The following SNAP91 variants were observed in gnomAD, a reference collection of about 807,000 sequenced individuals.
SNAP91 encodes the protein synaptosome associated protein 91.
In SNAP91, 27 loss-of-function variants were observed where a neutral mutation model predicts 100.3. That is an observed-to-expected ratio of 0.27 (90% CI 0.20 to 0.37). The LOEUF is 0.37. Ranked by LOEUF, SNAP91 falls within the 10% of genes least tolerant of loss-of-function variation. SNAP91 has a pLI of 1.00. For missense variants in SNAP91, 986 were observed against 1,123.7 expected (o/e 0.88, Z 1.75); for synonymous variants, 404 against 398.6 (o/e 1.01, Z -0.16).
chr6:83,616,406 C>G (rs1450943795), intron 10 of SNAP91, among the ~76,000 whole-genome samples: 1 of 152,026 alleles, frequency 6.6e-6, no homozygotes, highest in Non-Finnish European at 1.5e-5. Flanking sequence ...TATAAGTACT[C>G]AAACACAGAG....
chr6:83,690,337 T>C, intron 2 of SNAP91: 1 of 1,276,564 alleles, frequency 7.8e-7, no homozygotes, highest in Non-Finnish European at 1.0e-6. Flanking sequence ...TTAAAAGACT[T>C]GTGATCTCCT....
chr6:83,660,265 T>C (rs1487541724), intron 5 of SNAP91, among the ~76,000 whole-genome samples: 1 of 152,164 alleles, frequency 6.6e-6, no homozygotes, highest in East Asian at 1.9e-4. Flanking sequence ...GGAAGGCATA[T>C]GAACTAGAAT....
chr6:83,575,968 CAAAT>C, intron 25 of SNAP91, 51 bp downstream of exon 25: 4 of 960,602 alleles, frequency 4.2e-6, no homozygotes, highest in East Asian at 5.7e-5. Context: ...TTGATAGTCT[CAAAT>C]GAATACAAAT....
At chr6:83,565,198 A>G (rs1004690256) in intron 26 of SNAP91, among the ~76,000 whole-genome samples, 7 of 151,954 alleles carry the variant, frequency 4.6e-5, no homozygotes, top group Non-Finnish European at 1.0e-4. Context: ...AGGCTTCAGT[A>G]CATCACTCTC....
Position 83,593,173 on chromosome 6 carries a change from T to G in SNAP91, c.1774+9A>C, listed in dbSNP as rs756813838. ...CTAAAGTGAAAAAAAAGGGTTGCTT[T>G]GGTTTTACCTGTACTAAACAGGTCT... On this transcript the variant is annotated intron_variant, in intron 19 of 29. Transcript: ENST00000369694. 38 of 1,578,474 alleles carry G rather than the reference T, an allele frequency of 2.4e-5. No homozygotes were observed. The highest frequency in any genetic ancestry group is 2.9e-5 in the Non-Finnish European group (34 of 1,161,706).
intron 2 of SNAP91, among the ~76,000 whole-genome samples, chr6:83,668,825 G>A (rs2098733484): frequency 6.6e-6 from 1 of 152,006 alleles, no homozygotes; most frequent in Non-Finnish European, 1.5e-5. Flanking sequence ...CTTGAGACCA[G>A]TTTGAGAGCA....
intron 2 of SNAP91, among the ~76,000 whole-genome samples, chr6:83,703,332 C>T (rs1562751590): frequency 6.6e-6 from 1 of 151,970 alleles, no homozygotes; most frequent in African/African-American, 2.4e-5. Context: ...TTGGATCTTT[C>T]AGCACTTACT....
At chr6:83,589,883 G>C (rs1343050424) in intron 22 of SNAP91, among the ~76,000 whole-genome samples, 1 of 152,174 alleles carries the variant, frequency 6.6e-6, no homozygotes, top group East Asian at 1.9e-4. Flanking sequence ...TCCTCAGCTT[G>C]CTGTACCTGG....
At chr6:83,564,500 C>A (rs751780364) in intron 26 of SNAP91, among the ~76,000 whole-genome samples, 2 of 151,934 alleles carry the variant, frequency 1.3e-5, no homozygotes, top group Non-Finnish European at 2.9e-5. Context: ...GTAGGTGGAA[C>A]CACAGGTGCA....
At chr6:83,569,526 A>C (rs1802812419) in intron 26 of SNAP91, among the ~76,000 whole-genome samples, 1 of 152,146 alleles carries the variant, frequency 6.6e-6, no homozygotes, top group Admixed American at 6.6e-5. Context: ...ATGGCCAAGG[A>C]AGTTCTTCAA....
chr6:83,690,338 G>A (rs1486604299), intron 2 of SNAP91: 2 of 1,276,114 alleles, frequency 1.6e-6, no homozygotes, highest in South Asian at 1.3e-5. Context: ...TAAAAGACTT[G>A]TGATCTCCTC....
intron 13 of SNAP91, among the ~76,000 whole-genome samples, chr6:83,606,192 T>C (rs2095603030): frequency 2.0e-5 from 3 of 152,184 alleles, no homozygotes; most frequent in Non-Finnish European, 4.4e-5. Context: ...AATCATAACC[T>C]TGAGGTTATC....
chr6:83,642,059 T>C (rs2097726801), intron 7 of SNAP91, among the ~76,000 whole-genome samples: 1 of 152,190 alleles, frequency 6.6e-6, no homozygotes, highest in Admixed American at 6.5e-5. Context: ...CAGCAGGCCA[T>C]GTCTGCCTAC....
intron 8 of SNAP91, among the ~76,000 whole-genome samples, chr6:83,628,717 T>G (rs562882051): frequency 2.0e-5 from 3 of 151,902 alleles, no homozygotes; most frequent in African/African-American, 7.2e-5. Context: ...TTGATGGGAT[T>G]TTTTTTTCTT....
intron 21 of SNAP91, 145 bp from the exon 22 acceptor site, chr6:83,591,439 G>T: frequency 1.8e-6 from 1 of 554,602 alleles, no homozygotes; most frequent in South Asian, 2.7e-5. Flanking sequence ...ATGATCACAT[G>T]AATTGAATTA....
chr6:83,643,954 G>A (rs535405176), intron 7 of SNAP91, among the ~76,000 whole-genome samples: 15 of 152,050 alleles, frequency 9.9e-5, no homozygotes, highest in African/African-American at 2.4e-4. Flanking sequence ...ATAAACTCAC[G>A]GTGCTATAAG....
intron 1 of SNAP91, chr6:83,708,294 G>C (rs1428000657): frequency 9.2e-6 from 2 of 218,140 alleles, no homozygotes; most frequent in South Asian, 9.0e-5. Context: ...ACCCGCGGGT[G>C]CTGGACTAGC....
chr6:83,671,008 T>C (rs2098775689), intron 2 of SNAP91, among the ~76,000 whole-genome samples: 1 of 152,016 alleles, frequency 6.6e-6, no homozygotes, highest in South Asian at 2.1e-4. Context: ...TATTTCCGTA[T>C]GAGTTTTAGA....
chr6:83,586,032 T>G (rs951974475), intron 22 of SNAP91, among the ~76,000 whole-genome samples: 2 of 151,998 alleles, frequency 1.3e-5, no homozygotes, highest in African/African-American at 4.8e-5. Context: ...GTATTTTTAG[T>G]AGAGATGGGG....
Sources: allele counts gnomAD v4.1 joint callset (sites outside exome capture counted in the v4.1 genomes callset), GRCh38; gene constraint gnomAD v4.1.1; transcripts MANE v1.5; gene names NCBI Gene and HGNC (gene_info 2026-07-23, HGNC 2026-07-21).